Variants in LHFPL3 observed in about 807,000 individuals in gnomAD.
The protein encoded by LHFPL3 is LHFPL tetraspan subfamily member 3.
In LHFPL3, 5 loss-of-function variants were observed where a neutral mutation model predicts 19.3. The ratio of observed to expected loss-of-function variants is 0.26; its 90% CI spans 0.14 to 0.54. LHFPL3 has a LOEUF of 0.54. Ranked by LOEUF, LHFPL3 falls within the 20% of genes least tolerant of loss-of-function variation. LHFPL3 has a pLI of 0.94. For missense variants in LHFPL3, 249 were observed against 307.4 expected, an observed-to-expected ratio of 0.81 and a Z score of 1.42; for synonymous variants, 133 against 126.2, an observed-to-expected ratio of 1.05 and a Z score of -0.36.
rs977287067 is a variant in LHFPL3, at chr7:104,890,777, T to C, written c.683-15410T>C. ...TTTGTGATTTGTTCATTCATTTTTT[T>C]ACCTGAAATGGAGACTGATGTGGCT... On this transcript the variant is annotated intron_variant, in intron 2 of 2. Transcript: ENST00000424859. 9.9e-5 allele frequency among the ~76,000 whole-genome samples: 15 copies of C among 152,216 alleles called. 1 individual carries two copies. The highest frequency in any genetic ancestry group is 3.1e-4 in the African/African-American group (13 of 41,466).
At chr7:104,561,861 C>CTT (rs1237378596) in intron 1 of LHFPL3, among the ~76,000 whole-genome samples, 3 of 152,098 alleles carry the variant, frequency 2.0e-5, no homozygotes, top group Non-Finnish European at 4.4e-5. Flanking sequence ...TTCAGGAGCT[C>CTT]TTGTAAGGCA....
At chr7:104,589,704 T>C (rs996964432) in intron 1 of LHFPL3, among the ~76,000 whole-genome samples, 15 of 152,228 alleles carry the variant, frequency 9.9e-5, no homozygotes. Flanking sequence ...CTCCTCTTTG[T>C]ACCTCTGGTA....
At chr7:104,781,015 T>C (rs551693297) in intron 2 of LHFPL3, among the ~76,000 whole-genome samples, 3 of 152,314 alleles carry the variant, frequency 2.0e-5, no homozygotes, top group Non-Finnish European at 4.4e-5. Context: ...ATGTGCCTTG[T>C]TGAAGTCCAT....
intron 1 of LHFPL3, among the ~76,000 whole-genome samples, chr7:104,666,141 CAGCACCTTGACT>C (rs1792333030): frequency 6.6e-6 from 1 of 152,078 alleles, no homozygotes; most frequent in African/African-American, 2.4e-5. Context: ...TTAAGGTATT[CAGCACCTTGACT>C]AGTTATCATT....
chr7:104,434,562 A>G (rs1397032743), intron 1 of LHFPL3, among the ~76,000 whole-genome samples: 1 of 152,212 alleles, frequency 6.6e-6, no homozygotes, highest in Non-Finnish European at 1.5e-5. Flanking sequence ...ATGCAAGATC[A>G]ATCAGTATCC....
intron 1 of LHFPL3, among the ~76,000 whole-genome samples, chr7:104,513,843 C>T: frequency 6.6e-6 from 1 of 152,114 alleles, no homozygotes; most frequent in East Asian, 1.9e-4. Context: ...CAAAGTACAG[C>T]CAAGGTTGAG....
intron 1 of LHFPL3, among the ~76,000 whole-genome samples, chr7:104,610,222 C>G (rs1407362694): frequency 6.6e-6 from 1 of 152,100 alleles, no homozygotes; most frequent in Non-Finnish European, 1.5e-5. Flanking sequence ...AAGAGACTCA[C>G]TAAATGTCTG....
intron 1 of LHFPL3, among the ~76,000 whole-genome samples, chr7:104,387,622 TAGAG>T (rs1360894693): frequency 2.0e-5 from 3 of 152,032 alleles, no homozygotes; most frequent in African/African-American, 7.2e-5. Flanking sequence ...GGTGTGCAGG[TAGAG>T]AGAAAAGGGC....
chr7:104,758,696 A>G (rs765825725), intron 2 of LHFPL3, among the ~76,000 whole-genome samples: 2 of 152,120 alleles, frequency 1.3e-5, no homozygotes, highest in Non-Finnish European at 2.9e-5. Flanking sequence ...CCCATTCCTC[A>G]TGTGACTAGT....
intron 1 of LHFPL3, among the ~76,000 whole-genome samples, chr7:104,519,333 T>C (rs574092392): frequency 4.6e-5 from 7 of 152,262 alleles, no homozygotes; most frequent in Admixed American, 6.5e-5. Flanking sequence ...TACAGGACTG[T>C]GAGGAGAGCC....
chr7:104,499,688 T>C (rs1260916075), intron 1 of LHFPL3, among the ~76,000 whole-genome samples: 1 of 152,240 alleles, frequency 6.6e-6, no homozygotes, highest in Non-Finnish European at 1.5e-5. Context: ...ATTAGCTCAA[T>C]CTGTTACGTT....
At chr7:104,876,462 A>G (rs1791942435) in intron 2 of LHFPL3, among the ~76,000 whole-genome samples, 1 of 152,032 alleles carries the variant, frequency 6.6e-6, no homozygotes, top group South Asian at 2.1e-4. Flanking sequence ...AAAAGTGGGC[A>G]AAGGATATGA....
At chr7:104,598,215 A>G (rs1417724728) in intron 1 of LHFPL3, among the ~76,000 whole-genome samples, 4 of 152,330 alleles carry the variant, frequency 2.6e-5, no homozygotes, top group South Asian at 2.1e-4. Flanking sequence ...AGCACAAACA[A>G]TAGCCAACAC....
chr7:104,523,427 C>T (rs1794118624), intron 1 of LHFPL3, among the ~76,000 whole-genome samples: 1 of 152,062 alleles, frequency 6.6e-6, no homozygotes, highest in African/African-American at 2.4e-5. Flanking sequence ...GTTAGTTTTC[C>T]CTTTACATCT....
intron 1 of LHFPL3, among the ~76,000 whole-genome samples, chr7:104,665,544 T>C (rs1480402988): frequency 1.3e-5 from 2 of 152,184 alleles, no homozygotes; most frequent in African/African-American, 4.8e-5. Flanking sequence ...GCCGGCTTTG[T>C]GTATGTACAA....
In LHFPL3 at chr7:104,729,638, T is replaced by G. The variant is rs80232303; in HGVS notation, c.446-7037T>G. On this transcript the variant is annotated intron_variant, in intron 1 of 2. Transcript: ENST00000424859. ...CATGTGATATTTGTCTTTCTGTGCC[T>G]GGCTTATTTCACTTAACATCATGTT... 4.6e-3 allele frequency among the ~76,000 whole-genome samples: 695 copies of G among 152,280 alleles called. 30 individuals are homozygous for G. In the East Asian group the frequency reaches 0.1, roughly 22 times the overall value.
intron 2 of LHFPL3, among the ~76,000 whole-genome samples, chr7:104,858,663 C>T (rs1791555491): frequency 6.6e-6 from 1 of 152,178 alleles, no homozygotes; most frequent in Admixed American, 6.5e-5. Flanking sequence ...CCTTCTCTCA[C>T]CTCAAATCTT....
chr7:104,832,535 G>T (rs371779325), intron 2 of LHFPL3, among the ~76,000 whole-genome samples: 2 of 151,092 alleles, frequency 1.3e-5, no homozygotes, highest in African/African-American at 4.9e-5. Context: ...TTCTCATCGA[G>T]ATTACTCCTT....
At chr7:104,514,723 A>G (rs1289670928) in intron 1 of LHFPL3, among the ~76,000 whole-genome samples, 1 of 152,160 alleles carries the variant, frequency 6.6e-6, no homozygotes, top group African/African-American at 2.4e-5. Context: ...TGTAAATACA[A>G]TGTCTGGGAC....
Sources: gnomAD v4.1 joint callset for allele counts (sites outside exome capture counted in the v4.1 genomes callset) on GRCh38, gnomAD v4.1.1 for gene constraint, MANE v1.5 for transcripts, NCBI Gene and HGNC (gene_info 2026-07-23, HGNC 2026-07-21) for gene names.